The following CLASP2 variants were observed in gnomAD, a reference collection of about 807,000 sequenced individuals.
CLASP2 encodes CLIP-associating protein 2.
Under a neutral mutation model 194.4 loss-of-function variants are expected in CLASP2, and 47 were observed. That is an observed-to-expected ratio of 0.24 (90% CI 0.19 to 0.31). The LOEUF is 0.31. Among genes scored for constraint, CLASP2 ranks in the 10% least tolerant of loss-of-function variants. The pLI, the probability that CLASP2 is intolerant of heterozygous loss-of-function variation, is 1.00. For synonymous variants in CLASP2, 619 were observed against 633.5 expected, an observed-to-expected ratio of 0.98 and a Z score of 0.34; for missense variants, 1,445 against 1,823.6, an observed-to-expected ratio of 0.79 and a Z score of 3.78.
intron 7 of CLASP2, among the ~76,000 whole-genome samples, chr3:33,653,465 G>C (rs1247790498): frequency 6.6e-6 from 1 of 152,072 alleles, no homozygotes; most frequent in Admixed American, 6.6e-5. Context: ...TAGATGAATA[G>C]AGCCTTAAGA....
At chr3:33,626,908 T>C (rs1483616897) in intron 10 of CLASP2, 80 bp downstream of exon 10, 2 of 781,406 alleles carry the variant, frequency 2.6e-6, no homozygotes, top group Non-Finnish European at 4.2e-6. Flanking sequence ...TACCATATAG[T>C]ACTACTACTG....
At position 33,560,836 on chromosome 3, in the gene CLASP2, T is replaced by C; in HGVS notation, c.2902A>G (p.Lys968Glu). The change falls in exon 28 of 39, where the codon AAA becomes GAA. Residue 968 changes from lysine (K) to glutamate (E), a missense_variant. Around this residue, in one of 4 missense-constraint regions of CLASP2, gnomAD observed 732 missense variants for 987.9 expected, o/e 0.74. Coordinates refer to ENST00000682230, the MANE Select transcript of CLASP2 (RefSeq NM_001365631.1). The part of the protein sequence containing the change: ...GADLLGSVQA[K>E]VQKALDVTRE... ...GTAACATCAAGGGCTTTCTGAACTT[T>C]TGCCTGAACAGATCCAAGCAAATCA... The C allele has an allele frequency of 6.2e-7, 1 of 1,613,822 alleles. No individual in the cohort carries two copies.
At chr3:33,689,761 T>A in intron 3 of CLASP2, 68 bp downstream of exon 3, 1 of 1,054,946 alleles carries the variant, frequency 9.5e-7, no homozygotes, top group Non-Finnish European at 1.3e-6. Flanking sequence ...GTGTTCATGC[T>A]TGCTGTGGCT....
intron 7 of CLASP2, among the ~76,000 whole-genome samples, chr3:33,661,188 A>G (rs1241653808): frequency 6.6e-6 from 1 of 152,202 alleles, no homozygotes; most frequent in Admixed American, 6.5e-5. Flanking sequence ...AACAAGGAGT[A>G]GTTATATTTC....
intron 6 of CLASP2, among the ~76,000 whole-genome samples, chr3:33,676,036 C>A (rs2088549159): frequency 6.6e-6 from 1 of 151,838 alleles, no homozygotes. Flanking sequence ...TCAATGCCAT[C>A]CCCATCAAGC....
intron 1 of CLASP2, 38 bp downstream of exon 1, chr3:33,717,770 G>A: frequency 6.5e-7 from 1 of 1,545,040 alleles, no homozygotes; most frequent in Non-Finnish European, 8.7e-7. Flanking sequence ...GGCTGCCGCG[G>A]AGGGCGTGAC....
At chr3:33,646,322 T>G (rs2082281293) in intron 7 of CLASP2, among the ~76,000 whole-genome samples, 1 of 152,056 alleles carries the variant, frequency 6.6e-6, no homozygotes, top group Admixed American at 6.6e-5. Flanking sequence ...AGTCACATTC[T>G]ATTTCAGAAA....
chr3:33,555,769 T>C (rs1427029921), intron 29 of CLASP2, among the ~76,000 whole-genome samples: 4 of 152,224 alleles, frequency 2.6e-5, no homozygotes, highest in Non-Finnish European at 2.9e-5. Flanking sequence ...ATTTTGTTTA[T>C]AATTTGCCAC....
rs1460863047 is a variant in CLASP2, at chr3:33,573,267, G to A, written c.2542C>T (p.Arg848Cys). ...NSDASSACSE[R>C]SYSSRNGSIP... ...CTACCATTTCGAGAACTATAGGAGCGTTCTGAACAAGCACTAGATGCATCG... is the reference window on the plus strand; with the variant it reads ...CTACCATTTCGAGAACTATAGGAGCATTCTGAACAAGCACTAGATGCATCG... Residue 848 changes from arginine to cysteine, a missense_variant, in exon 25 of 39, where the codon CGC becomes TGC. This residue lies in a region of CLASP2 where 732 missense variants were observed against 987.9 expected (regional missense o/e 0.74). Coordinates refer to ENST00000682230, the MANE Select transcript of CLASP2 (RefSeq NM_001365631.1). 11 of 1,613,700 alleles carry A rather than the reference G, an allele frequency of 6.8e-6. No individual in the cohort carries two copies. Among genetic ancestry groups the A allele is most frequent in the Non-Finnish European group, 6.8e-6 (8 of 1,179,832 alleles).
chr3:33,705,090 T>TATCAAACA (rs1262523168), intron 1 of CLASP2, among the ~76,000 whole-genome samples: 6 of 152,166 alleles, frequency 3.9e-5, no homozygotes, highest in Non-Finnish European at 8.8e-5. Flanking sequence ...CATACATACT[T>TATCAAACA]GTACGTCAAT....
intron 7 of CLASP2, chr3:33,659,157 T>C (rs894025223): frequency 1.4e-6 from 2 of 1,390,970 alleles, no homozygotes; most frequent in African/African-American, 1.5e-5. Context: ...CAGCTGCTAC[T>C]CCACTTCAAA....
chr3:33,554,633 A>C (rs2060612115), intron 29 of CLASP2: 2 of 152,436 alleles, frequency 1.3e-5, no homozygotes, highest in African/African-American at 4.8e-5. Context: ...GACAGTAACT[A>C]CCATGACTCC....
chr3:33,557,492 C>T (rs2061165859), intron 29 of CLASP2, among the ~76,000 whole-genome samples: 1 of 152,224 alleles, frequency 6.6e-6, no homozygotes, highest in East Asian at 1.9e-4. Context: ...CTTGCCTCAC[C>T]TCCTGAGTAG....
chr3:33,510,718 A>C lies in CLASP2; in HGVS notation c.4157T>G (p.Ile1386Ser), dbSNP rs749950134. 12 of 1,613,372 alleles carry C rather than the reference A, an allele frequency of 7.4e-6. No homozygotes were observed. Among genetic ancestry groups the C allele is most frequent in the Admixed American group, 5.0e-5 (3 of 59,886 alleles). The change falls in exon 37 of 39, where the codon ATT becomes AGT. Residue 1386 changes from isoleucine (I) to serine (S), a missense_variant. Transcript: ENST00000682230. Reference protein sequence around the residue: ...EEAASVLATSISPEQCIKVLC... With the variant: ...EEAASVLATSSSPEQCIKVLC... ...CACTTTGATGCACTGCTCTGGACTA[A>C]TTGAAGTGGCCAACACTGATGCCGC...
intron 1 of CLASP2, among the ~76,000 whole-genome samples, chr3:33,711,374 T>C (rs1474346638): frequency 6.6e-6 from 1 of 151,462 alleles, no homozygotes; most frequent in East Asian, 1.9e-4. Context: ...GCCTCCCGAA[T>C]AGCTAGGATT....
intron 1 of CLASP2, among the ~76,000 whole-genome samples, chr3:33,701,840 T>C (rs1016492727): frequency 2.6e-5 from 4 of 152,106 alleles, no homozygotes; most frequent in African/African-American, 9.6e-5. Context: ...GATATAAACA[T>C]AAAACCTAAA....
chr3:33,559,394 AG>A lies in CLASP2; in HGVS notation c.2931-10del. On this transcript the variant is annotated splice_polypyrimidine_tract_variant and intron_variant, in intron 28 of 38. Coordinates refer to ENST00000682230, the MANE Select transcript of CLASP2 (RefSeq NM_001365631.1). ...CATTTGGAAAAGACTCTCTGAAACAAGAACAAAGCAAAACGAAACAAAAATT... is the reference window on the plus strand; with the variant it reads ...CATTTGGAAAAGACTCTCTGAAACAAAACAAAGCAAAACGAAACAAAAATT... 1 of 1,558,470 alleles carries A rather than the reference AG, an allele frequency of 6.4e-7. No individual in the cohort carries two copies. Among genetic ancestry groups the A allele is most frequent in the Non-Finnish European group, 8.7e-7 (1 of 1,143,400 alleles).
intron 32 of CLASP2, among the ~76,000 whole-genome samples, chr3:33,539,500 AATTTTTGT>A (rs1055432002): frequency 6.6e-6 from 1 of 151,774 alleles, no homozygotes; most frequent in African/African-American, 2.4e-5. Flanking sequence ...ACACCTGGCT[AATTTTTGT>A]ATTTTTAGTA....
chr3:33,566,575 A>T (rs1427633618), intron 27 of CLASP2, among the ~76,000 whole-genome samples, 157 bp downstream of exon 27: 1 of 152,372 alleles, frequency 6.6e-6, no homozygotes, highest in Non-Finnish European at 1.5e-5. Flanking sequence ...GCATATCTCC[A>T]AACAGAATGA....
Sources: allele counts gnomAD v4.1 joint callset (sites outside exome capture counted in the v4.1 genomes callset), GRCh38; gene constraint gnomAD v4.1.1; regional missense constraint gnomAD v4.1.1; transcripts MANE v1.5; gene names NCBI Gene and HGNC (gene_info 2026-07-23, HGNC 2026-07-21).